Variants in ANK2 observed in about 807,000 individuals in gnomAD.
The protein encoded by ANK2 is ankyrin-2.
In ANK2, 83 loss-of-function variants were observed where a neutral mutation model predicts 360.5. That is an observed-to-expected ratio of 0.23 (90% CI 0.19 to 0.28). The LOEUF (loss-of-function observed/expected upper bound fraction) is 0.28, where lower values mean the gene tolerates loss of function less well. Among genes scored for constraint, ANK2 ranks in the 10% least tolerant of loss-of-function variants. The pLI, the probability that ANK2 is intolerant of heterozygous loss-of-function variation, is 1.00. For synonymous variants in ANK2, 1,740 were observed against 1,759.5 expected (o/e 0.99, Z 0.28); for missense variants, 4,201 against 4,795.7 (o/e 0.88, Z 3.66).
At chr4:113,236,948 A>C (rs1174613308) in intron 5 of ANK2, 39 bp from the exon 6 acceptor site, 1 of 1,592,010 alleles carries the variant, frequency 6.3e-7, no homozygotes, top group Admixed American at 1.7e-5. Flanking sequence ...CTAGCATCTG[A>C]AGATGTTAAC....
intron 45 of ANK2, chr4:113,374,685 G>A: frequency 1.1e-6 from 1 of 936,498 alleles, no homozygotes; most frequent in Non-Finnish European, 1.3e-6. Flanking sequence ...TTTGTCCTTT[G>A]TTTTTTAACA....
the ANK2 span, among the ~76,000 whole-genome samples, chr4:112,748,663 T>C: frequency 6.6e-6 from 1 of 152,216 alleles, no homozygotes; most frequent in African/African-American, 2.4e-5. Flanking sequence ...AATTTTGTGC[T>C]GGATGTGGTC....
At chr4:113,378,076 T>C (rs1457894780) in intron 45 of ANK2, 18 of 1,210,944 alleles carry the variant, frequency 1.5e-5, no homozygotes, top group Non-Finnish European at 2.0e-5. Flanking sequence ...TCTTTTCTTT[T>C]CTTCTTACTT....
At chr4:112,774,381 G>T in the ANK2 span, among the ~76,000 whole-genome samples, 2,976 of 152,052 alleles carry the variant, frequency 0.02, 52 homozygotes, top group Middle Eastern at 0.054. Flanking sequence ...AAAACATTAG[G>T]CAGGTGTAGT....
intron 20 of ANK2, among the ~76,000 whole-genome samples, chr4:113,289,019 GA>G (rs1461744042): frequency 6.6e-6 from 1 of 152,116 alleles, no homozygotes; most frequent in African/African-American, 2.4e-5. Context: ...AGTGGCATTT[GA>G]AAGGTCCTAT....
the ANK2 span, among the ~76,000 whole-genome samples, chr4:112,749,594 T>A: frequency 6.6e-6 from 1 of 152,198 alleles, no homozygotes; most frequent in Non-Finnish European, 1.5e-5. Context: ...GAATAGTTAC[T>A]GGATTGAGAA....
intron 17 of ANK2, among the ~76,000 whole-genome samples, chr4:113,279,093 C>T (rs2061300084): frequency 1.3e-5 from 2 of 152,046 alleles, no homozygotes; most frequent in South Asian, 2.1e-4. Context: ...GAAACAGCTC[C>T]AACTAAGACT....
the ANK2 span, among the ~76,000 whole-genome samples, chr4:112,716,205 T>C: frequency 6.6e-6 from 1 of 152,202 alleles, no homozygotes; most frequent in Non-Finnish European, 1.5e-5. Context: ...TTTAGTTTTA[T>C]AATGTATTAA....
chr4:112,867,362 C>A (rs1041329770), intron 1 of ANK2, among the ~76,000 whole-genome samples: 1 of 151,632 alleles, frequency 6.6e-6, no homozygotes, highest in South Asian at 2.1e-4. Flanking sequence ...TCCTCCTATT[C>A]TTTTAGTATT....
the ANK2 span, chr4:112,738,701 C>G: frequency 1.7e-6 from 1 of 604,000 alleles, no homozygotes; most frequent in Non-Finnish European, 3.1e-6. Context: ...TTGTGAAGCC[C>G]AAGATCATTA....
chr4:113,221,502 A>G (rs561026883), intron 4 of ANK2, among the ~76,000 whole-genome samples: 1 of 152,162 alleles, frequency 6.6e-6, no homozygotes, highest in Non-Finnish European at 1.5e-5. Flanking sequence ...TCTACTGAAA[A>G]TACAAAAATT....
chr4:112,904,854 A>G (rs186472416), intron 2 of ANK2, among the ~76,000 whole-genome samples: 93 of 152,192 alleles, frequency 6.1e-4, no homozygotes, highest in African/African-American at 2.2e-3. Flanking sequence ...AAAGTCATCT[A>G]TTTTCTCTAA....
intron 2 of ANK2, among the ~76,000 whole-genome samples, chr4:112,989,328 G>A (rs766464124): frequency 6.6e-6 from 1 of 152,180 alleles, no homozygotes; most frequent in African/African-American, 2.4e-5. Context: ...GGACAATTAT[G>A]TTGTAAAATT....
At chr4:113,067,615 A>G (rs1403072357) in intron 1 of ANK2, among the ~76,000 whole-genome samples, 1 of 152,184 alleles carries the variant, frequency 6.6e-6, no homozygotes, top group Non-Finnish European at 1.5e-5. Flanking sequence ...TGGAGGACAG[A>G]GTCTTGGAAT....
At chr4:112,842,509 C>T (rs1219837986) in intron 1 of ANK2, among the ~76,000 whole-genome samples, 3 of 152,220 alleles carry the variant, frequency 2.0e-5, no homozygotes, top group African/African-American at 4.8e-5. Flanking sequence ...GACTTGGGGG[C>T]GAAGAATGGC....
chr4:112,958,487 G>C (rs1317447851), intron 2 of ANK2, among the ~76,000 whole-genome samples: 3 of 152,168 alleles, frequency 2.0e-5, no homozygotes, highest in Admixed American at 6.5e-5. Flanking sequence ...GCAGGCACTC[G>C]GCAGGCTGAG....
At chr4:113,342,650 A>G (rs982134991) in intron 33 of ANK2, among the ~76,000 whole-genome samples, 3 of 152,108 alleles carry the variant, frequency 2.0e-5, no homozygotes, top group Admixed American at 2.0e-4. Context: ...CAGTGAGCCA[A>G]GATCGCACCA....
the ANK2 span, among the ~76,000 whole-genome samples, chr4:112,720,232 C>T: frequency 5.3e-5 from 8 of 152,184 alleles, no homozygotes; most frequent in African/African-American, 1.9e-4. Context: ...GTTGATGTCT[C>T]CTCAACAGCA....
At chr4:113,342,433 G>T (rs2094403427) in intron 33 of ANK2, among the ~76,000 whole-genome samples, 1 of 152,128 alleles carries the variant, frequency 6.6e-6, no homozygotes, top group South Asian at 2.1e-4. Context: ...AGGTGTGGTG[G>T]TTCACGCCTG....
Sources: allele counts gnomAD v4.1 joint callset (sites outside exome capture counted in the v4.1 genomes callset), GRCh38; gene constraint gnomAD v4.1.1; transcripts MANE v1.5; gene names NCBI Gene and HGNC (gene_info 2026-07-23, HGNC 2026-07-21).